EPHA7: variants seen among roughly 807,000 people sequenced by gnomAD.
EPHA7 encodes the protein EPH receptor A7.
A neutral mutation model predicts 112.6 loss-of-function variants in EPHA7; 25 were observed. The ratio of observed to expected loss-of-function variants is 0.22; its 90% CI spans 0.16 to 0.31. The LOEUF (loss-of-function observed/expected upper bound fraction) is 0.31, where lower values mean the gene tolerates loss of function less well. EPHA7 is among the 10% of genes least tolerant of loss of function. The probability of loss-of-function intolerance (pLI) is 1.00; values close to 1 mark genes in which losing one functional copy is unlikely to be tolerated. For missense variants in EPHA7, 962 were observed against 1,212.6 expected (o/e 0.79, Z 3.07); for synonymous variants, 437 against 406.5 (o/e 1.07, Z -0.90).
chr6:93,305,074 T>A (rs1773182417), intron 5 of EPHA7, among the ~76,000 whole-genome samples: 1 of 152,086 alleles, frequency 6.6e-6, no homozygotes, highest in Non-Finnish European at 1.5e-5. Context: ...GTAAGCTTTA[T>A]AAGCTTTTAT....
At chr6:93,338,320 G>T (rs150530363) in intron 5 of EPHA7, among the ~76,000 whole-genome samples, 102 of 152,066 alleles carry the variant, frequency 6.7e-4, no homozygotes, top group East Asian at 6.0e-3. Flanking sequence ...AATAGTCTAA[G>T]CAGGGTGTAT....
intron 14 of EPHA7, 63 bp downstream of exon 14, chr6:93,254,584 G>T: frequency 1.4e-6 from 2 of 1,387,332 alleles, no homozygotes; most frequent in Non-Finnish European, 2.0e-6. Context: ...TTACCTACAT[G>T]TTCCAGTAAT....
chr6:93,413,538 A>G (rs1264295069), intron 2 of EPHA7, among the ~76,000 whole-genome samples: 1 of 151,886 alleles, frequency 6.6e-6, no homozygotes, highest in Non-Finnish European at 1.5e-5. Flanking sequence ...TCTATAATGT[A>G]TATTATTTTA....
rs1399759499 is a variant in EPHA7, at chr6:93,243,185, G to A, written c.*241C>T. 3 of 363,570 alleles carry A rather than the reference G, an allele frequency of 8.3e-6. No homozygotes were observed. Among genetic ancestry groups the A allele is most frequent in the Non-Finnish European group, 1.5e-5 (3 of 202,592 alleles). The allele number at this position is 363,570 out of a possible 1,614,324, so 22.5% of individuals were successfully genotyped here. ...CTCAAGGTGTTTGGATGTTTTTCAGGTAGTACTTTGTTTATTGTCACTGCT... is the reference window on the plus strand; with the variant it reads ...CTCAAGGTGTTTGGATGTTTTTCAGATAGTACTTTGTTTATTGTCACTGCT... On this transcript the variant is annotated 3_prime_UTR_variant, in exon 17 of 17. Coordinates refer to ENST00000369303, the MANE Select transcript of EPHA7 (RefSeq NM_004440.4).
intron 5 of EPHA7, among the ~76,000 whole-genome samples, chr6:93,278,413 C>G (rs1417267437): frequency 6.6e-6 from 1 of 152,016 alleles, no homozygotes; most frequent in Non-Finnish European, 1.5e-5. Context: ...CCCAAACTGG[C>G]TGTCCTATTC....
intron 3 of EPHA7, among the ~76,000 whole-genome samples, chr6:93,383,857 G>C (rs1484559197): frequency 1.3e-5 from 2 of 151,986 alleles, no homozygotes; most frequent in Non-Finnish European, 2.9e-5. Context: ...CAGTGTGCCT[G>C]GTTAATTTTT....
chr6:93,354,497 G>A (rs542078705), intron 5 of EPHA7, among the ~76,000 whole-genome samples: 4 of 149,426 alleles, frequency 2.7e-5, no homozygotes, highest in South Asian at 2.1e-4. Context: ...TCTTTTCATC[G>A]AGGTATAATT....
At chr6:93,309,649 A>T (rs532438196) in intron 5 of EPHA7, among the ~76,000 whole-genome samples, 2 of 152,244 alleles carry the variant, frequency 1.3e-5, no homozygotes, top group East Asian at 3.9e-4. Flanking sequence ...ATAATTCAAG[A>T]TAATTATATA....
chr6:93,260,772 T>C (rs1770650263), intron 9 of EPHA7: 2 of 978,886 alleles, frequency 2.0e-6, no homozygotes, highest in African/African-American at 3.5e-5. Context: ...GCTCATTTGT[T>C]ACTAAAGCTG....
At chr6:93,372,032 A>T (rs933456519) in intron 3 of EPHA7, among the ~76,000 whole-genome samples, 2 of 152,180 alleles carry the variant, frequency 1.3e-5, no homozygotes, top group African/African-American at 4.8e-5. Flanking sequence ...TTTAAGTTAA[A>T]TTACCCTTTT....
chr6:93,393,720 G>A (rs532762990), intron 3 of EPHA7, among the ~76,000 whole-genome samples: 1 of 151,858 alleles, frequency 6.6e-6, no homozygotes, highest in African/African-American at 2.4e-5. Context: ...GACTTCTGCA[G>A]ATCATAAAGT....
chr6:93,385,411 C>A (rs958247162), intron 3 of EPHA7, among the ~76,000 whole-genome samples: 3 of 152,028 alleles, frequency 2.0e-5, no homozygotes, highest in African/African-American at 4.8e-5. Context: ...ACTTTTAACT[C>A]CCGCAAAACT....
intron 1 of EPHA7, among the ~76,000 whole-genome samples, chr6:93,415,069 A>T (rs1392344023): frequency 2.0e-5 from 3 of 151,988 alleles, no homozygotes; most frequent in Non-Finnish European, 4.4e-5. Context: ...TTCCACAGTA[A>T]TTATATATTA....
At chr6:93,417,383 G>C (rs1460802143) in intron 1 of EPHA7, among the ~76,000 whole-genome samples, 3 of 152,070 alleles carry the variant, frequency 2.0e-5, no homozygotes, top group Non-Finnish European at 4.4e-5. Context: ...CCTAGAAGCC[G>C]GGCGCACTCG....
rs927629555 is a variant in EPHA7, at chr6:93,291,281, T to A, written c.1325-18859A>T. ...GTACTTACTAAAATTTTATTTTGAA[T>A]GCAATGTTCCTTATGCAATGTTTTA... On this transcript the variant is annotated intron_variant, in intron 5 of 16. Coordinates refer to ENST00000369303, the MANE Select transcript of EPHA7 (RefSeq NM_004440.4). Among the ~76,000 whole-genome samples the A allele has an allele frequency of 8.5e-5, 13 of 152,348 alleles. 2 individuals carry two copies. Among genetic ancestry groups the A allele is most frequent in the Admixed American group, 6.5e-5 (1 of 15,306 alleles).
chr6:93,301,876 G>C (rs530987813), intron 5 of EPHA7, among the ~76,000 whole-genome samples: 1 of 152,182 alleles, frequency 6.6e-6, no homozygotes, highest in East Asian at 1.9e-4. Flanking sequence ...ACACAAATCT[G>C]CACCCATAAC....
Position 93,314,587 on chromosome 6 carries a change from C to T in EPHA7, c.1324+42130G>A, listed in dbSNP as rs956036372. Among the ~76,000 whole-genome samples the T allele has an allele frequency of 5.9e-5, 9 of 151,996 alleles. No homozygotes were observed. In the East Asian group the frequency reaches 1.5e-3, roughly 26 times the overall value. On this transcript the variant is annotated intron_variant, in intron 5 of 16. Transcript: ENST00000369303. The stretch of plus-strand genomic sequence containing the variant: ...ACCACCTTACAGACAGGACCTACAA[C>T]GATGACCAAACATGAAAGCCATATG...
chr6:93,332,321 T>C lies in EPHA7; in HGVS notation c.1324+24396A>G, dbSNP rs145492481. ...AAAAATGTTAATAAAATAAAATAAG[T>C]ACAATAATGGTAACTATAACTCTTT... On this transcript the variant is annotated intron_variant, in intron 5 of 16. Coordinates refer to ENST00000369303, the MANE Select transcript of EPHA7 (RefSeq NM_004440.4). Among the ~76,000 whole-genome samples the C allele has an allele frequency of 9.9e-5, 15 of 151,702 alleles. No individual in the cohort carries two copies. The East Asian group carries it at 1.2e-3, about 12-fold the overall frequency.
At chr6:93,383,627 T>A (rs1777458149) in intron 3 of EPHA7, among the ~76,000 whole-genome samples, 1 of 152,188 alleles carries the variant, frequency 6.6e-6, no homozygotes, top group Non-Finnish European at 1.5e-5. Context: ...TAAAATATTC[T>A]GGGACTTCTA....
Sources: allele counts gnomAD v4.1 joint callset (sites outside exome capture counted in the v4.1 genomes callset), GRCh38; gene constraint gnomAD v4.1.1; transcripts MANE v1.5; gene names NCBI Gene and HGNC (gene_info 2026-07-23, HGNC 2026-07-21).